DAD1: variants seen among roughly 807,000 people sequenced by gnomAD.
DAD1 encodes the protein dolichyl-diphosphooligosaccharide--protein glycosyltransferase subunit DAD1.
In DAD1, 4 loss-of-function variants were observed where a neutral mutation model predicts 9.0. The observed-to-expected ratio is 0.44, with a 90% CI of 0.22 to 1.01. DAD1 has a LOEUF of 1.01. DAD1 is among the 50% of genes least tolerant of loss of function. DAD1 has a pLI of 0.24. For synonymous variants in DAD1, 60 were observed against 62.5 expected, an observed-to-expected ratio of 0.96 and a Z score of 0.19; for missense variants, 119 against 137.3, an observed-to-expected ratio of 0.87 and a Z score of 0.67.
chr14:22,573,248 A>C (rs761810309), intron 2 of DAD1, among the ~76,000 whole-genome samples: 5 of 151,936 alleles, frequency 3.3e-5, no homozygotes, highest in African/African-American at 4.8e-5. Flanking sequence ...CTTGAGCTCA[A>C]GCAATCGCCC....
At chr14:22,588,539 T>C (rs890794364) in intron 1 of DAD1, among the ~76,000 whole-genome samples, 18 of 152,234 alleles carry the variant, frequency 1.2e-4, no homozygotes, top group Admixed American at 1.0e-3. Flanking sequence ...TGCACTTTCA[T>C]TGAAACGTTT....
chr14:22,572,295 G>T (rs1044130206), intron 2 of DAD1, among the ~76,000 whole-genome samples: 12 of 151,956 alleles, frequency 7.9e-5, no homozygotes, highest in Admixed American at 5.9e-4. Flanking sequence ...TAAATATTGA[G>T]AATTTACTTG....
chr14:22,582,737 G>A (rs192168925), intron 1 of DAD1, among the ~76,000 whole-genome samples: 2 of 152,140 alleles, frequency 1.3e-5, no homozygotes, highest in African/African-American at 4.8e-5. Context: ...CGGGCATGGC[G>A]GCTCACACCT....
intron 1 of DAD1, among the ~76,000 whole-genome samples, chr14:22,588,676 C>T (rs1218196883): frequency 1.3e-5 from 2 of 152,128 alleles, no homozygotes; most frequent in Non-Finnish European, 2.9e-5. Flanking sequence ...GGGTTTTCCC[C>T]GGACCAATAT....
intron 1 of DAD1, among the ~76,000 whole-genome samples, chr14:22,586,953 A>G (rs1427417797): frequency 3.3e-5 from 5 of 152,116 alleles, no homozygotes; most frequent in Non-Finnish European, 5.9e-5. Context: ...TATCTAACAG[A>G]TCTGGAAATC....
chr14:22,582,139 G>A lies in DAD1; in HGVS notation c.211+6808C>T, dbSNP rs374089524. Among the ~76,000 whole-genome samples the A allele has an allele frequency of 5.9e-5, 9 of 151,930 alleles. No homozygotes were observed. The South Asian group carries it at 6.2e-4, about 11-fold the overall frequency. On this transcript the variant is annotated intron_variant, in intron 1 of 2. Coordinates refer to ENST00000250498, the MANE Select transcript of DAD1 (RefSeq NM_001344.4). ...GAAGAATCGCTTGAACTCCAAGGGC[G>A]GAGGTTGCAGTGAGCTGAGATCGCG... is the stretch of plus-strand genomic sequence containing the variant.
At chr14:22,569,921 G>C (rs1460307187) in intron 2 of DAD1, among the ~76,000 whole-genome samples, 1 of 152,132 alleles carries the variant, frequency 6.6e-6, no homozygotes, top group Non-Finnish European at 1.5e-5. Context: ...AGGATCACTT[G>C]ACCCCAGGGA....
chr14:22,565,068 T>C lies in DAD1; in HGVS notation c.*114A>G. ...GCAGAGCTAGCAGTAAGTGCAAATC[T>C]GAAGAAAATCCATGTGTCCAATAAG... On this transcript the variant is annotated 3_prime_UTR_variant, in exon 3 of 3. Transcript: ENST00000250498. 1.4e-6 allele frequency: 1 copy of C among 701,374 alleles called. No individual in the cohort carries two copies. The highest frequency in any genetic ancestry group is 1.5e-5 in the South Asian group (1 of 67,368). 43.4% of individuals were successfully genotyped at this position (701,374 alleles called of 1,614,324 possible).
chr14:22,579,857 T>TTTTG (rs397942743), intron 1 of DAD1, among the ~76,000 whole-genome samples: 1 of 150,216 alleles, frequency 6.7e-6, no homozygotes. Flanking sequence ...TTTTTTTTTT[T>TTTTG]GAGACAGGGT....
intron 1 of DAD1, among the ~76,000 whole-genome samples, chr14:22,583,337 G>A (rs1460271579): frequency 6.6e-6 from 1 of 152,126 alleles, no homozygotes. Flanking sequence ...AAAGCAGTGA[G>A]GTGAGACAGA....
At chr14:22,566,975 T>A (rs2139234485) in intron 2 of DAD1, 1 of 152,292 alleles carries the variant, frequency 6.6e-6, no homozygotes, top group East Asian at 1.9e-4. Context: ...AATTGACTAC[T>A]CAACAGCTAA....
chr14:22,571,841 G>C (rs1405600958), intron 2 of DAD1, among the ~76,000 whole-genome samples: 1 of 151,874 alleles, frequency 6.6e-6, no homozygotes, highest in Non-Finnish European at 1.5e-5. Context: ...TGTTGGCCAG[G>C]CTGGTCTCAA....
Position 22,580,648 on chromosome 14 carries a change from T to A in DAD1, c.212-5415A>T, listed in dbSNP as rs547468216. ...ATTGATGTTATTATTATTGTGATCA[T>A]GGTAACCAGATTATTTCAATGAAAA... On this transcript the variant is annotated intron_variant, in intron 1 of 2. Transcript: ENST00000250498. 2.6e-5 allele frequency among the ~76,000 whole-genome samples: 4 copies of A among 152,260 alleles called. No individual in the cohort carries two copies. The East Asian group carries it at 5.8e-4, about 22-fold the overall frequency.
chr14:22,572,429 G>C (rs767451963), intron 2 of DAD1, among the ~76,000 whole-genome samples: 1 of 152,044 alleles, frequency 6.6e-6, no homozygotes, highest in Non-Finnish European at 1.5e-5. Context: ...TTCAAATGAA[G>C]GATCTCTATG....
At position 22,565,047 on chromosome 14, in the gene DAD1, A is replaced by G. The variant is rs1231545087; in HGVS notation, c.*135T>C. Reference sequence around the variant, plus strand: ...GGCTTTTCTCCTGCATAAAAAGCAGAGCTAGCAGTAAGTGCAAATCTGAAG... The same window carrying G: ...GGCTTTTCTCCTGCATAAAAAGCAGGGCTAGCAGTAAGTGCAAATCTGAAG... On this transcript the variant is annotated 3_prime_UTR_variant, in exon 3 of 3. Transcript: ENST00000250498. 2 of 698,452 alleles carry G rather than the reference A, an allele frequency of 2.9e-6. No individual in the cohort carries two copies. The highest frequency in any genetic ancestry group is 2.6e-6 in the Non-Finnish European group (1 of 383,574). 43.3% of individuals were successfully genotyped at this position (698,452 alleles called of 1,614,324 possible).
chr14:22,566,580 C>G (rs1028510057), intron 2 of DAD1, among the ~76,000 whole-genome samples: 1 of 152,114 alleles, frequency 6.6e-6, no homozygotes, highest in Admixed American at 6.6e-5. Context: ...GTGATCCACC[C>G]GCCCCAGCCT....
Position 22,589,102 on chromosome 14 carries a change from G to C in DAD1, c.56C>G (p.Ser19Cys). The change falls in exon 1 of 3, where the codon TCC (serine) becomes TGC (cysteine). Residue 19 changes from serine to cysteine, a missense_variant. By Grantham distance (112) the Ser-to-Cys change is moderately radical. Coordinates refer to ENST00000250498, the MANE Select transcript of DAD1 (RefSeq NM_001344.4). ...CAGCAACTTCAGACGCTGCGGAGTG[G>C]AGCTCAAGTACTCTTCTAAGAACCG... is the stretch of plus-strand genomic sequence containing the variant. ...ISRFLEEYLSSTPQRLKLLDA... is the reference protein window; with the variant it reads ...ISRFLEEYLSCTPQRLKLLDA... The C allele has an allele frequency of 6.2e-7, 1 of 1,614,184 alleles. No individual in the cohort carries two copies. Among genetic ancestry groups the C allele is most frequent in the Non-Finnish European group, 8.5e-7 (1 of 1,180,046 alleles).
chr14:22,572,317 A>G (rs1291906143), intron 2 of DAD1, among the ~76,000 whole-genome samples: 4 of 152,200 alleles, frequency 2.6e-5, no homozygotes, highest in Non-Finnish European at 5.9e-5. Context: ...AACTATTTTT[A>G]AAGTGCTGTG....
intron 2 of DAD1, among the ~76,000 whole-genome samples, chr14:22,567,701 G>A (rs1483967): frequency 6.6e-6 from 1 of 152,232 alleles, no homozygotes; most frequent in African/African-American, 2.4e-5. Flanking sequence ...CATGTGGCTA[G>A]TGGTTACCAT....
Sources: gnomAD v4.1 joint callset for allele counts (sites outside exome capture counted in the v4.1 genomes callset) on GRCh38, gnomAD v4.1.1 for gene constraint, MANE v1.5 for transcripts, NCBI Gene and HGNC (gene_info 2026-07-23, HGNC 2026-07-21) for gene names.